The following PTPRZ1 variants were observed in gnomAD, a reference collection of about 807,000 sequenced individuals.
The protein encoded by PTPRZ1 is protein tyrosine phosphatase receptor type Z1, also known as receptor-type tyrosine-protein phosphatase zeta.
PTPRZ1 carries 82 observed loss-of-function variants against 214.1 expected under a neutral mutation model. The observed-to-expected ratio is 0.38, with a 90% CI of 0.32 to 0.46. PTPRZ1 has a LOEUF of 0.46. PTPRZ1 is among the 20% of genes least tolerant of loss of function. The pLI is 1.00. For synonymous variants in PTPRZ1, 945 were observed against 987.9 expected (o/e 0.96, Z 0.81); for missense variants, 2,603 against 2,748.7 (o/e 0.95, Z 1.19).
At chr7:121,909,920 C>T (rs1031087958) in intron 1 of PTPRZ1, among the ~76,000 whole-genome samples, 5 of 152,094 alleles carry the variant, frequency 3.3e-5, no homozygotes, top group African/African-American at 1.2e-4. Context: ...CATTATGAGT[C>T]TGGCAGTAGT....
At chr7:122,058,996 A>T in intron 28 of PTPRZ1, 54 bp downstream of exon 28, 1 of 1,472,442 alleles carries the variant, frequency 6.8e-7, no homozygotes, top group South Asian at 1.3e-5. Context: ...GGGCATATGT[A>T]TATTTCTGTT....
intron 2 of PTPRZ1, among the ~76,000 whole-genome samples, chr7:121,954,510 G>C (rs1365450522): frequency 6.6e-6 from 1 of 152,056 alleles, no homozygotes; most frequent in African/African-American, 2.4e-5. Flanking sequence ...TTTTTATCTA[G>C]AAAGCCTTAC....
At chr7:121,972,927 G>GAGTT (rs1381003210) in intron 4 of PTPRZ1, among the ~76,000 whole-genome samples, 1 of 100,102 alleles carries the variant, frequency 1.0e-5, no homozygotes, top group Admixed American at 9.7e-5. Context: ...AAATGCTGAT[G>GAGTT]AATTAATGAA....
chr7:121,984,990 T>A (rs1482858947), intron 8 of PTPRZ1, among the ~76,000 whole-genome samples: 2 of 152,180 alleles, frequency 1.3e-5, no homozygotes, highest in Admixed American at 1.3e-4. Context: ...CTGCAATGAA[T>A]TCAATGATTT....
intron 23 of PTPRZ1, 54 bp downstream of exon 23, chr7:122,044,622 A>G (rs73222696): frequency 0.013 from 20,196 of 1,568,626 alleles, 169 homozygotes; most frequent in Middle Eastern, 0.023. Flanking sequence ...ATGTCCCTGC[A>G]TCTTCTCATT....
chr7:122,001,802 C>T (rs1798334663), intron 10 of PTPRZ1, among the ~76,000 whole-genome samples: 1 of 152,030 alleles, frequency 6.6e-6, no homozygotes, highest in Non-Finnish European at 1.5e-5. Context: ...AGTTTTTGTT[C>T]AGTTATTACA....
At chr7:121,959,635 A>G (rs151247718) in intron 2 of PTPRZ1, among the ~76,000 whole-genome samples, 5 of 152,288 alleles carry the variant, frequency 3.3e-5, no homozygotes, top group Non-Finnish European at 7.4e-5. Flanking sequence ...TCTTTGAGGA[A>G]GCCCCTTTTT....
At chr7:122,040,781 T>A in intron 20 of PTPRZ1, 35 bp from the exon 21 acceptor site, 2 of 1,307,410 alleles carry the variant, frequency 1.5e-6, no homozygotes, top group Non-Finnish European at 2.1e-6. Context: ...TGTGTGTGTG[T>A]GTTTGACTGT....
At chr7:121,932,276 T>C (rs1307763166) in intron 2 of PTPRZ1, among the ~76,000 whole-genome samples, 1 of 152,154 alleles carries the variant, frequency 6.6e-6, no homozygotes, top group African/African-American at 2.4e-5. Context: ...CACTATAAAG[T>C]GAATTATCAC....
intron 1 of PTPRZ1, among the ~76,000 whole-genome samples, chr7:121,924,604 A>G (rs753345132): frequency 5.9e-5 from 9 of 152,206 alleles, no homozygotes; most frequent in Non-Finnish European, 1.0e-4. Context: ...ATAAAACTCT[A>G]CAAGGAAAGC....
chr7:121,978,823 A>G (rs1797518578), intron 6 of PTPRZ1, among the ~76,000 whole-genome samples: 1 of 152,154 alleles, frequency 6.6e-6, no homozygotes, highest in South Asian at 2.1e-4. Context: ...TACCCAAACC[A>G]AATAAGTTAA....
rs1218103594 is a variant in PTPRZ1 at position 121,873,452 on chromosome 7, CTG to C, written c.-47_-46del. The C allele has an allele frequency of 4.4e-6, 7 of 1,598,850 alleles. No individual in the cohort carries two copies. In the Admixed American group the frequency reaches 6.7e-5, roughly 15 times the overall value. ...CCTTCGCTCCCCCTCCCTCTCCACT[CTG>C]AGAAGCAGAGGAGCCGCACGGCGAG... On this transcript the variant is annotated 5_prime_UTR_variant, in exon 1 of 30. Transcript: ENST00000393386.
At chr7:122,059,477 T>TG in intron 28 of PTPRZ1, 1 of 281,368 alleles carries the variant, frequency 3.6e-6, no homozygotes, top group Non-Finnish European at 6.6e-6. Flanking sequence ...CTCTCAGGTT[T>TG]TTTTTATTAT....
At chr7:121,905,720 G>A (rs1158362972) in intron 1 of PTPRZ1, among the ~76,000 whole-genome samples, 2 of 149,862 alleles carry the variant, frequency 1.3e-5, no homozygotes, top group Admixed American at 6.7e-5. Flanking sequence ...AAAAAGAAGG[G>A]TCTGTGATAT....
intron 25 of PTPRZ1, among the ~76,000 whole-genome samples, chr7:122,053,366 T>C (rs1379670071): frequency 6.6e-6 from 1 of 152,188 alleles, no homozygotes; most frequent in Non-Finnish European, 1.5e-5. Context: ...GGCTGTTCTG[T>C]AGTGAAATGG....
At chr7:122,006,407 T>G (rs1440382262) in intron 11 of PTPRZ1, among the ~76,000 whole-genome samples, 1 of 152,098 alleles carries the variant, frequency 6.6e-6, no homozygotes, top group Non-Finnish European at 1.5e-5. Flanking sequence ...CGCCACTACA[T>G]TTCTCAGCCT....
intron 22 of PTPRZ1, among the ~76,000 whole-genome samples, chr7:122,044,046 G>A (rs1028960667): frequency 3.9e-5 from 6 of 152,138 alleles, no homozygotes; most frequent in African/African-American, 1.2e-4. Context: ...GAGAGTTGGC[G>A]TTGCCAGAAG....
At chr7:121,883,450 T>C (rs1794301763) in intron 1 of PTPRZ1, among the ~76,000 whole-genome samples, 1 of 152,236 alleles carries the variant, frequency 6.6e-6, no homozygotes. Context: ...ATTCTGCCAG[T>C]ACACAGGCTT....
At chr7:121,958,862 T>C (rs1245036800) in intron 2 of PTPRZ1, among the ~76,000 whole-genome samples, 1 of 152,098 alleles carries the variant, frequency 6.6e-6, no homozygotes, top group Non-Finnish European at 1.5e-5. Flanking sequence ...CTCACTCTGT[T>C]GCCCAGGCTG....
Sources: allele counts gnomAD v4.1 joint callset (sites outside exome capture counted in the v4.1 genomes callset), GRCh38; gene constraint gnomAD v4.1.1; transcripts MANE v1.5; gene names NCBI Gene and HGNC (gene_info 2026-07-23, HGNC 2026-07-21).